Variants in RARB observed in about 807,000 individuals in gnomAD.
RARB encodes retinoic acid receptor beta, also known as HBV-activated protein.
RARB carries 17 observed loss-of-function variants against 51.9 expected under a neutral mutation model. The ratio of observed to expected loss-of-function variants is 0.33; its 90% CI spans 0.22 to 0.49. The LOEUF is 0.49. Ranked by LOEUF, RARB falls within the 20% of genes least tolerant of loss-of-function variation. The pLI is 0.99. For synonymous variants in RARB, 215 were observed against 195.4 expected, an observed-to-expected ratio of 1.10 and a Z score of -0.84; for missense variants, 369 against 550.8, an observed-to-expected ratio of 0.67 and a Z score of 3.30.
At chr3:24,943,229 C>CACATAAA (rs1695706636) in intron 2 of RARB, among the ~76,000 whole-genome samples, 9 of 152,150 alleles carry the variant, frequency 5.9e-5, no homozygotes, top group Admixed American at 5.9e-4. Context: ...CCAAAAGCAT[C>CACATAAA]ACATAAAACA....
chr3:25,031,535 G>A (rs987945184), intron 2 of RARB, among the ~76,000 whole-genome samples: 2 of 152,166 alleles, frequency 1.3e-5, no homozygotes, highest in Non-Finnish European at 2.9e-5. Context: ...TGGGTAGGAA[G>A]AACATAACGT....
chr3:25,309,655 A>G (rs946404631), intron 5 of RARB, among the ~76,000 whole-genome samples: 4 of 148,564 alleles, frequency 2.7e-5, no homozygotes, highest in African/African-American at 1.0e-4. Context: ...GCACCACCAC[A>G]CCTGGCTAAT....
intron 2 of RARB, among the ~76,000 whole-genome samples, chr3:25,041,132 G>A (rs1337612411): frequency 2.6e-5 from 4 of 152,088 alleles, no homozygotes; most frequent in Non-Finnish European, 5.9e-5. Flanking sequence ...GGTCTTTACT[G>A]CCATTCCATA....
chr3:25,103,692 C>T (rs574212355), intron 3 of RARB, among the ~76,000 whole-genome samples: 14 of 152,244 alleles, frequency 9.2e-5, no homozygotes, highest in Admixed American at 4.6e-4. Flanking sequence ...ATAACTTGCC[C>T]GGTGTCACTC....
At chr3:25,005,424 A>AG (rs1443535046) in intron 2 of RARB, among the ~76,000 whole-genome samples, 6 of 152,166 alleles carry the variant, frequency 3.9e-5, no homozygotes, top group Non-Finnish European at 8.8e-5. Context: ...CTGGCACTGG[A>AG]GGATTGGCTT....
At chr3:25,524,761 G>T (rs375887368) in intron 3 of RARB, among the ~76,000 whole-genome samples, 1 of 149,330 alleles carries the variant, frequency 6.7e-6, no homozygotes, top group Non-Finnish European at 1.5e-5. Context: ...ATACAGTCTC[G>T]CTTTGTCACC....
chr3:25,258,671 G>C (rs1373946456), intron 5 of RARB, among the ~76,000 whole-genome samples: 1 of 152,046 alleles, frequency 6.6e-6, no homozygotes, highest in Admixed American at 6.6e-5. Context: ...GGTTGATTTA[G>C]TTCATGGTTC....
At chr3:25,352,965 A>G (rs897855007) in intron 5 of RARB, among the ~76,000 whole-genome samples, 1 of 152,184 alleles carries the variant, frequency 6.6e-6, no homozygotes, top group Non-Finnish European at 1.5e-5. Context: ...TATCCTGCCT[A>G]TTATGAAGTC....
intron 5 of RARB, among the ~76,000 whole-genome samples, chr3:25,242,137 C>T (rs1011513053): frequency 1.3e-5 from 2 of 151,976 alleles, no homozygotes; most frequent in African/African-American, 4.8e-5. Context: ...CATATCCTTC[C>T]CCCACTTTTC....
At chr3:25,354,624 C>T (rs901382036) in intron 5 of RARB, among the ~76,000 whole-genome samples, 8 of 152,222 alleles carry the variant, frequency 5.3e-5, no homozygotes, top group Middle Eastern at 6.8e-3. Context: ...CCCCTCAATG[C>T]CCATCTTTTA....
chr3:24,889,098 G>A (rs144042825), intron 2 of RARB, among the ~76,000 whole-genome samples: 138 of 152,260 alleles, frequency 9.1e-4, no homozygotes, highest in African/African-American at 2.8e-3. Context: ...TCCCCTGTGA[G>A]GACTCACTAC....
chr3:25,031,579 C>T lies in RARB; in HGVS notation c.-379-28546C>T, dbSNP rs147870121. 3.3e-5 allele frequency among the ~76,000 whole-genome samples: 5 copies of T among 152,252 alleles called. No homozygotes were observed. The East Asian group carries it at 9.7e-4, about 29-fold the overall frequency. On this transcript the variant is annotated intron_variant, in intron 2 of 11. Coordinates refer to the RARB transcript ENST00000383772. ...CAATGCCTTGAAAACTAAGTAGATT[C>T]ATTTATGCCCACTAACTCTGTTGAC...
At chr3:25,159,651 GTA>G (rs1418679139) in intron 4 of RARB, among the ~76,000 whole-genome samples, 1 of 152,080 alleles carries the variant, frequency 6.6e-6, no homozygotes, top group Non-Finnish European at 1.5e-5. Context: ...CAAAACAGCT[GTA>G]TCCTCTTTGA....
chr3:25,075,664 T>G lies in RARB; in HGVS notation c.-328+15488T>G, dbSNP rs56026803. Among the ~76,000 whole-genome samples the G allele has an allele frequency of 7.6e-5, 10 of 130,922 alleles. No individual in the cohort carries two copies. The South Asian group carries it at 2.3e-3, about 30-fold the overall frequency. The allele number at this position is 130,922 out of a possible 152,430, so 85.9% of individuals were successfully genotyped here. A position where few individuals can be genotyped will look rare whatever the true frequency, so the allele number is the denominator to read the frequency against. On this transcript the variant is annotated intron_variant, in intron 3 of 11. Transcript: ENST00000383772. Reference sequence around the variant, plus strand: ...GGGTAGAGATCATTTAGTGAGAGAATTGTCCTCAGGAAAAAAAAAAAAAAC... The same window carrying G: ...GGGTAGAGATCATTTAGTGAGAGAAGTGTCCTCAGGAAAAAAAAAAAAAAC...
chr3:24,920,053 A>G (rs572289355), intron 2 of RARB, among the ~76,000 whole-genome samples: 1 of 152,264 alleles, frequency 6.6e-6, no homozygotes, highest in Admixed American at 6.5e-5. Flanking sequence ...CAAACCAAAG[A>G]GAATGAATTT....
chr3:25,095,080 T>C (rs1291391529), intron 3 of RARB, among the ~76,000 whole-genome samples: 1 of 152,170 alleles, frequency 6.6e-6, no homozygotes, highest in Non-Finnish European at 1.5e-5. Flanking sequence ...GTGATTTTTT[T>C]CCCTTTGGCT....
At chr3:25,294,269 T>G (rs886068660) in intron 5 of RARB, among the ~76,000 whole-genome samples, 1 of 152,176 alleles carries the variant, frequency 6.6e-6, no homozygotes, top group Admixed American at 6.5e-5. Flanking sequence ...AAGCAGCATA[T>G]TCTAGTAGGA....
intron 3 of RARB, among the ~76,000 whole-genome samples, chr3:25,542,027 A>G (rs1163953708): frequency 6.6e-6 from 1 of 152,272 alleles, no homozygotes; most frequent in East Asian, 1.9e-4. Flanking sequence ...AAGAAAGGAA[A>G]GCTAGGCATA....
intron 2 of RARB, among the ~76,000 whole-genome samples, chr3:24,949,783 T>C (rs115297239): frequency 0.031 from 4,671 of 152,268 alleles, 104 homozygotes; most frequent in Middle Eastern, 0.078. Flanking sequence ...TTCCAAAAGC[T>C]AGTTTATCAG....
Sources: gnomAD v4.1 joint callset for allele counts (sites outside exome capture counted in the v4.1 genomes callset) on GRCh38, gnomAD v4.1.1 for gene constraint, MANE v1.5 for transcripts, NCBI Gene and HGNC (gene_info 2026-07-23, HGNC 2026-07-21) for gene names.